OLFML2B: variants seen among roughly 807,000 people sequenced by gnomAD.
OLFML2B encodes the protein olfactomedin-like protein 2B.
In OLFML2B, 57 loss-of-function variants were observed where a neutral mutation model predicts 74.9. The observed-to-expected ratio is 0.76, with a 90% CI of 0.61 to 0.95. The LOEUF is 0.95. OLFML2B is among the 40% of genes least tolerant of loss of function. The pLI is 0.00. For synonymous variants in OLFML2B, 388 were observed against 405.8 expected, an observed-to-expected ratio of 0.96 and a Z score of 0.53; for missense variants, 986 against 970.6, an observed-to-expected ratio of 1.02 and a Z score of -0.21.
chr1:162,012,530 A>G (rs1202891384), intron 3 of OLFML2B, among the ~76,000 whole-genome samples: 3 of 152,216 alleles, frequency 2.0e-5, no homozygotes, highest in East Asian at 1.9e-4. Flanking sequence ...CGGAGGCAAC[A>G]TTATCAGGAG....
intron 6 of OLFML2B, among the ~76,000 whole-genome samples, chr1:161,997,428 C>T (rs138430342): frequency 6.6e-6 from 1 of 152,228 alleles, no homozygotes; most frequent in East Asian, 1.9e-4. Flanking sequence ...CTGAGACTTT[C>T]CCCCCAGTAA....
chr1:162,022,671 T>C (rs1269647555), intron 1 of OLFML2B, among the ~76,000 whole-genome samples: 1 of 152,164 alleles, frequency 6.6e-6, no homozygotes, highest in East Asian at 1.9e-4. Context: ...ATCACTATCA[T>C]GGGTTACTCG....
rs1243860109 is a variant in OLFML2B, at chr1:161,997,820, C to T, written c.1474+5G>A. On this transcript the variant is annotated splice_donor_5th_base_variant and intron_variant, in intron 6 of 7. Transcript: ENST00000294794. ...GGAGACCAAGGCCAGGTACAATGAA[C>T]TTACCTATGACATTCCGGATGTCAT... The T allele has an allele frequency of 6.2e-7, 1 of 1,606,792 alleles. No individual in the cohort carries two copies. Among genetic ancestry groups the T allele is most frequent in the South Asian group, 1.1e-5 (1 of 90,152 alleles).
At chr1:162,017,610 A>AG in intron 2 of OLFML2B, 103 bp from the exon 3 acceptor site, 1 of 772,156 alleles carries the variant, frequency 1.3e-6, no homozygotes, top group Non-Finnish European at 2.1e-6. Flanking sequence ...GAAAGCCACT[A>AG]GCCAGGAATT....
At position 161,998,306 on chromosome 1, in the gene OLFML2B, A is replaced by G. The variant is rs781495276; in HGVS notation, c.993T>C (p.Ile331=). The G allele has an allele frequency of 6.3e-7, 1 of 1,583,786 alleles. No individual in the cohort carries two copies. The highest frequency in any genetic ancestry group is 8.6e-7 in the Non-Finnish European group (1 of 1,158,892). The part of the protein sequence containing the change: ...FSGDNGVDLL[I]EDQLLRHNGL... ...CGTTGTGTCTCAGGAGCTGATCTTC[A>G]ATCAGCAAATCCACTCCATTGTCAC... Residue 331 remains isoleucine, a synonymous_variant, in exon 6 of 8, where the codon ATT becomes ATC. Transcript: ENST00000294794.
intron 4 of OLFML2B, among the ~76,000 whole-genome samples, chr1:162,005,902 CAAAAAAAAAAAAA>C (rs71093139): frequency 1.3e-5 from 1 of 77,878 alleles, no homozygotes. Context: ...TGGAACCTAT[CAAAAAAAAAAAAA>C]AAAAAAAAAA....
chr1:161,993,191 G>A (rs554246443), intron 6 of OLFML2B, among the ~76,000 whole-genome samples: 1 of 152,314 alleles, frequency 6.6e-6, no homozygotes, highest in East Asian at 1.9e-4. Flanking sequence ...GCCCCACATT[G>A]TCATTTTGCA....
At position 161,997,829 on chromosome 1, in the gene OLFML2B, G is replaced by T; in HGVS notation, c.1470C>A (p.Val490=). 1 of 1,611,614 alleles carries T rather than the reference G, an allele frequency of 6.2e-7. No individual in the cohort carries two copies. Among genetic ancestry groups the T allele is most frequent in the South Asian group, 1.1e-5 (1 of 90,666 alleles). ...GGCCAGGTACAATGAACTTACCTAT[G>T]ACATTCCGGATGTCATCTTCTTCTT... ...SPEEEDDIRN[V]IGRCKDTLST... The change falls in exon 6 of 8, where the codon GTC becomes GTA. Residue 490 remains valine (V), a synonymous_variant. Coordinates refer to ENST00000294794, the MANE Select transcript of OLFML2B (RefSeq NM_015441.3).
chr1:162,023,486 T>A lies in OLFML2B; in HGVS notation c.-56A>T. The stretch of plus-strand genomic sequence containing the variant: ...TTCAGAGAATGGCTGGGGCGGGGGG[T>A]CTCGGCAAGGACTTCTGCGAGAGGG... On this transcript the variant is annotated 5_prime_UTR_variant, in exon 1 of 8. Coordinates refer to ENST00000294794, the MANE Select transcript of OLFML2B (RefSeq NM_015441.3). 7.3e-7 allele frequency: 1 copy of A among 1,370,448 alleles called. No homozygotes were observed. The allele number at this position is 1,370,448 out of a possible 1,614,324, so 84.9% of individuals were successfully genotyped here. A position where few individuals can be genotyped will look rare whatever the true frequency, so the allele number is the denominator to read the frequency against.
intron 4 of OLFML2B, among the ~76,000 whole-genome samples, chr1:162,002,389 C>A (rs1690105141): frequency 6.6e-6 from 1 of 152,208 alleles, no homozygotes; most frequent in Admixed American, 6.5e-5. Flanking sequence ...ACCCAGAGAG[C>A]AGAGCCCATG....
chr1:162,000,372 G>A, intron 4 of OLFML2B, 34 bp from the exon 5 acceptor site: 1 of 1,587,828 alleles, frequency 6.3e-7, no homozygotes, highest in Non-Finnish European at 8.6e-7. Context: ...GGAAGGTCAG[G>A]TCACTGGTCA....
At chr1:162,019,491 A>G (rs1326312090) in intron 2 of OLFML2B, among the ~76,000 whole-genome samples, 1 of 152,182 alleles carries the variant, frequency 6.6e-6, no homozygotes, top group East Asian at 1.9e-4. Context: ...TGATGACCCA[A>G]TCTAGAGCAG....
chr1:162,010,479 C>T lies in OLFML2B; in HGVS notation c.547-4006G>A, dbSNP rs186429462. On this transcript the variant is annotated intron_variant, in intron 3 of 7. Coordinates refer to ENST00000294794, the MANE Select transcript of OLFML2B (RefSeq NM_015441.3). ...CAGGTGGAGTTAGGGGTACAGCCAT[C>T]AGTCAGCCCTAGTCAGCATGGCTGG... 5.3e-5 allele frequency among the ~76,000 whole-genome samples: 8 copies of T among 152,304 alleles called. No individual in the cohort carries two copies. The East Asian group carries it at 1.5e-3, about 29-fold the overall frequency.
chr1:162,006,598 G>A (rs1690242111), intron 3 of OLFML2B, 125 bp from the exon 4 acceptor site: 3 of 759,994 alleles, frequency 3.9e-6, no homozygotes, highest in Non-Finnish European at 6.3e-6. Flanking sequence ...TCCAACAAGT[G>A]ATTGGGGCTA....
At chr1:162,022,244 C>CTTTTTTTTTTTTTTT (rs56395023) in intron 1 of OLFML2B, among the ~76,000 whole-genome samples, 3 of 70,738 alleles carry the variant, frequency 4.2e-5, no homozygotes, top group East Asian at 3.7e-4. Context: ...TGTATCTCTT[C>CTTTTTTTTTTTTTTT]TTTTTTTTTT....
intron 3 of OLFML2B, among the ~76,000 whole-genome samples, chr1:162,011,438 C>T (rs1019487641): frequency 6.6e-6 from 1 of 152,192 alleles, no homozygotes; most frequent in Admixed American, 6.5e-5. Flanking sequence ...GACCAGATGG[C>T]CTGGGACAGC....
At position 162,008,094 on chromosome 1, in the gene OLFML2B, G is replaced by A. The variant is rs549540916; in HGVS notation, c.547-1621C>T. On this transcript the variant is annotated intron_variant, in intron 3 of 7. Transcript: ENST00000294794. ...AAGAGCATGGATTTTGAAGGAAACC[G>A]GTTCATCCTCCATGCTGCTATTGCT... 4.6e-5 allele frequency among the ~76,000 whole-genome samples: 7 copies of A among 152,222 alleles called. No individual in the cohort carries two copies. The South Asian group carries it at 6.2e-4, about 14-fold the overall frequency.
At chr1:161,996,308 C>G (rs1689899004) in intron 6 of OLFML2B, among the ~76,000 whole-genome samples, 1 of 152,204 alleles carries the variant, frequency 6.6e-6, no homozygotes, top group Non-Finnish European at 1.5e-5. Context: ...GGAGCAGAAT[C>G]ATGACCTGGT....
chr1:161,999,019 A>T (rs1455285751), intron 5 of OLFML2B, among the ~76,000 whole-genome samples: 3 of 152,202 alleles, frequency 2.0e-5, no homozygotes, highest in Non-Finnish European at 4.4e-5. Flanking sequence ...GCCCAGGAGC[A>T]GCGAGGTGGC....
Sources: gnomAD v4.1 joint callset for allele counts (sites outside exome capture counted in the v4.1 genomes callset) on GRCh38, gnomAD v4.1.1 for gene constraint, MANE v1.5 for transcripts, NCBI Gene and HGNC (gene_info 2026-07-23, HGNC 2026-07-21) for gene names.